Variants in CHRNA6 observed in about 807,000 individuals in gnomAD.
The protein encoded by CHRNA6 is cholinergic receptor nicotinic alpha 6 subunit.
In CHRNA6, 31 loss-of-function variants were observed where a neutral mutation model predicts 40.9. The ratio of observed to expected loss-of-function variants is 0.76; its 90% CI spans 0.57 to 1.02. The LOEUF (loss-of-function observed/expected upper bound fraction) is 1.02. Among genes scored for constraint, CHRNA6 ranks in the 50% least tolerant of loss-of-function variants. The pLI, the probability that CHRNA6 is intolerant of heterozygous loss-of-function variation, is 0.00. For missense variants in CHRNA6, 546 were observed against 596.6 expected, an observed-to-expected ratio of 0.92 and a Z score of 0.88; for synonymous variants, 222 against 221.3, an observed-to-expected ratio of 1.00 and a Z score of -0.03.
At position 42,755,845 on chromosome 8, in the gene CHRNA6, C is replaced by A. The variant is rs766087995; in HGVS notation, c.1353+1G>T. On this transcript the variant is annotated splice_donor_variant, in intron 5 of 5. Transcript: ENST00000276410. LOFTEE classifies it high-confidence loss of function. ...GCTGGGTGGAGGGAACACACATTTA[C>A]CTCCTTGGTTTCATTGTGGCTCTTC... 1.9e-6 allele frequency: 3 copies of A among 1,611,404 alleles called. No homozygotes were observed. The highest frequency in any genetic ancestry group is 2.7e-5 in the African/African-American group (2 of 74,904).
chr8:42,758,227 C>T (rs1013139132), intron 3 of CHRNA6, among the ~76,000 whole-genome samples: 3 of 152,008 alleles, frequency 2.0e-5, no homozygotes, highest in Non-Finnish European at 4.4e-5. Flanking sequence ...GTTTTAGGCT[C>T]AACTTCCATA....
rs1287244765 is a variant in CHRNA6, at chr8:42,756,757, A to C, written c.442T>G (p.Trp148Gly). The change falls in exon 5 of 6, where the codon TGG becomes GGG. Residue 148 changes from tryptophan to glycine, a missense_variant. Physicochemically the swap from Trp to Gly is radical, Grantham distance 184. This residue lies in a region of CHRNA6 where 476 missense variants were observed against 494.5 expected (regional missense o/e 0.96). Transcript: ENST00000276410. ...CTCTTAAAAATAGCTGGTGGAGTCCAGGTTATCATGCCATTGTATTTAAGA... is the reference window on the plus strand; with the variant it reads ...CTCTTAAAAATAGCTGGTGGAGTCCCGGTTATCATGCCATTGTATTTAAGA... Reference protein sequence around the residue: ...ALLKYNGMITWTPPAIFKSSC... With the variant: ...ALLKYNGMITGTPPAIFKSSC... 7 of 1,612,922 alleles carry C rather than the reference A, an allele frequency of 4.3e-6. No individual in the cohort carries two copies. The highest frequency in any genetic ancestry group is 5.9e-6 in the Non-Finnish European group (7 of 1,179,782).
intron 2 of CHRNA6, chr8:42,759,491 C>T (rs1296449075): frequency 1.5e-5 from 3 of 204,274 alleles, no homozygotes; most frequent in Middle Eastern, 2.1e-3. Flanking sequence ...AGGATTCCAA[C>T]CCCGCACAGT....
intron 3 of CHRNA6, among the ~76,000 whole-genome samples, chr8:42,757,789 G>A (rs568052178): frequency 6.2e-5 from 9 of 145,640 alleles, no homozygotes; most frequent in African/African-American, 1.8e-4. Context: ...ATCCCAGCAC[G>A]TTGGGAGGCC....
intron 2 of CHRNA6, among the ~76,000 whole-genome samples, chr8:42,760,259 A>G (rs1380075196): frequency 2.0e-5 from 3 of 151,996 alleles, no homozygotes; most frequent in African/African-American, 7.2e-5. Flanking sequence ...GCACACTCAC[A>G]CACTCATGCA....
Position 42,768,465 on chromosome 8 carries a change from A to G in CHRNA6, c.-35T>C. On this transcript the variant is annotated 5_prime_UTR_variant, in exon 1 of 6. Coordinates refer to ENST00000276410, the MANE Select transcript of CHRNA6 (RefSeq NM_004198.3). ...ACACTTGGATTCCTTTTTCCTAGGC[A>G]AAGGATTGTGGAAAACAAAGAGCTA... is the stretch of plus-strand genomic sequence containing the variant. 4 of 1,567,126 alleles carry G rather than the reference A, an allele frequency of 2.6e-6. No individual in the cohort carries two copies. The highest frequency in any genetic ancestry group is 3.5e-6 in the Non-Finnish European group (4 of 1,137,696).
Position 42,755,924 on chromosome 8 carries a change from G to A in CHRNA6, c.1275C>T (p.His425=). The A allele has an allele frequency of 1.2e-6, 2 of 1,614,224 alleles. No homozygotes were observed. The highest frequency in any genetic ancestry group is 1.7e-6 in the Non-Finnish European group (2 of 1,180,036). The stretch of plus-strand genomic sequence containing the variant: ...TAATCACATCTTCAACTTCAGGCGA[G>A]TGCTCCGAATTTTCCACCACCCACT... The part of the protein sequence containing the change: ...PLQWVVENSE[H]SPEVEDVINS... Residue 425 remains histidine, a synonymous_variant, in exon 5 of 6, where the codon CAC becomes CAT. Transcript: ENST00000276410.
chr8:42,759,012 G>A, intron 3 of CHRNA6, 57 bp downstream of exon 3: 2 of 1,274,628 alleles, frequency 1.6e-6, no homozygotes, highest in Non-Finnish European at 2.3e-6. Context: ...ACAAGGTAGT[G>A]CTTGTGGGTT....
chr8:42,767,837 A>G (rs767301339), intron 1 of CHRNA6, among the ~76,000 whole-genome samples: 2 of 152,170 alleles, frequency 1.3e-5, no homozygotes, highest in Admixed American at 6.5e-5. Context: ...TAGAAATGTG[A>G]TTTTGTTCAG....
rs62515876 is a variant in CHRNA6, at chr8:42,766,903, T to A, written c.79+1449A>T. Among the ~76,000 whole-genome samples, 199 of 152,362 alleles carry A rather than the reference T, an allele frequency of 1.3e-3. 1 individual carries two copies. The highest frequency in any genetic ancestry group is 4.3e-3 in the South Asian group (21 of 4,828). On this transcript the variant is annotated intron_variant, in intron 1 of 5. Coordinates refer to ENST00000276410, the MANE Select transcript of CHRNA6 (RefSeq NM_004198.3). ...GACTTAAAATAAAACAAAAATCAAC[T>A]TTGAAATTCAGTTATTGTGGAGATT...
rs1400751721 is a variant in CHRNA6, at chr8:42,756,109, C to T, written c.1090G>A (p.Gly364Ser). ...LMRWPLDKTRGTGSDAVPRGL... is the reference protein window; with the variant it reads ...LMRWPLDKTRSTGSDAVPRGL... ...CTGGGCACTGCATCAGAGCCTGTGC[C>T]CCTTGTCTTGTCCAGAGGCCACCTC... The change falls in exon 5 of 6, where the codon GGC becomes AGC. Residue 364 changes from glycine (G) to serine (S), a missense_variant. Gly to Ser is a moderately conservative substitution (Grantham distance 56). Transcript: ENST00000276410. The T allele has an allele frequency of 6.2e-7, 1 of 1,614,262 alleles. No homozygotes were observed. The highest frequency in any genetic ancestry group is 1.7e-5 in the Admixed American group (1 of 60,034).
intron 5 of CHRNA6, among the ~76,000 whole-genome samples, chr8:42,754,653 G>A (rs1816766040): frequency 6.6e-6 from 1 of 152,166 alleles, no homozygotes; most frequent in African/African-American, 2.4e-5. Flanking sequence ...ATGGCTGCCA[G>A]CAGCTGCAGT....
intron 2 of CHRNA6, among the ~76,000 whole-genome samples, chr8:42,764,216 C>T (rs2128912506): frequency 6.6e-6 from 1 of 152,338 alleles, no homozygotes; most frequent in South Asian, 2.1e-4. Flanking sequence ...AGCTCCAGTC[C>T]TACTTGCCCT....
intron 2 of CHRNA6, among the ~76,000 whole-genome samples, chr8:42,760,658 A>G (rs1816891814): frequency 6.6e-6 from 1 of 152,204 alleles, no homozygotes; most frequent in South Asian, 2.1e-4. Flanking sequence ...ACACGCTAGC[A>G]CACATGTGCA....
At chr8:42,766,371 A>T (rs1816975224) in intron 1 of CHRNA6, among the ~76,000 whole-genome samples, 1 of 152,122 alleles carries the variant, frequency 6.6e-6, no homozygotes, top group Non-Finnish European at 1.5e-5. Flanking sequence ...GGGCGCCTGT[A>T]GTCCCAGCTA....
chr8:42,759,061 G>T lies in CHRNA6; in HGVS notation c.264+8C>A. On this transcript the variant is annotated splice_region_variant and intron_variant, in intron 3 of 5. Coordinates refer to ENST00000276410, the MANE Select transcript of CHRNA6 (RefSeq NM_004198.3). ...ATCATTAAGCCAACACATGATATAG[G>T]CACATACGTGACGCAGCCACAAATT... 6.2e-7 allele frequency: 1 copy of T among 1,607,572 alleles called. No homozygotes were observed. The highest frequency in any genetic ancestry group is 8.5e-7 in the Non-Finnish European group (1 of 1,174,092).
At chr8:42,753,556 C>T (rs1816753516) in intron 5 of CHRNA6, among the ~76,000 whole-genome samples, 2 of 152,116 alleles carry the variant, frequency 1.3e-5, no homozygotes, top group South Asian at 4.1e-4. Flanking sequence ...TGCCTGTAGT[C>T]CTAGCTACTC....
chr8:42,755,401 C>T (rs1816782525), intron 5 of CHRNA6, among the ~76,000 whole-genome samples: 1 of 152,052 alleles, frequency 6.6e-6, no homozygotes, highest in African/African-American at 2.4e-5. Flanking sequence ...CTCAACCTCC[C>T]AAGTAGTTGG....
rs769005774 is a variant in CHRNA6 at position 42,756,614 on chromosome 8, C to T, written c.585G>A (p.Val195=). 3.1e-6 allele frequency: 5 copies of T among 1,614,064 alleles called. No homozygotes were observed. The highest frequency in any genetic ancestry group is 4.2e-6 in the Non-Finnish European group (5 of 1,179,998). The change falls in exon 5 of 6, where the codon GTG becomes GTA. Residue 195 remains valine (V), a synonymous_variant. Transcript: ENST00000276410. ...EIDLLIIGSK[V]DMNDFWENSE... ...TGTTTTCCCAAAAATCATTCATATC[C>T]ACTTTTGATCCAATGATTAGAAGAT... is the stretch of plus-strand genomic sequence containing the variant.
Sources: allele counts gnomAD v4.1 joint callset (sites outside exome capture counted in the v4.1 genomes callset), GRCh38; gene constraint gnomAD v4.1.1; regional missense constraint gnomAD v4.1.1; transcripts MANE v1.5; gene names NCBI Gene and HGNC (gene_info 2026-07-23, HGNC 2026-07-21).